The following ROBO1 variants were observed in gnomAD, a reference collection of about 807,000 sequenced individuals.
ROBO1 encodes roundabout homolog 1.
A neutral mutation model predicts 195.9 loss-of-function variants in ROBO1; 149 were observed. The observed-to-expected ratio is 0.76, with a 90% CI of 0.67 to 0.87. The LOEUF (loss-of-function observed/expected upper bound fraction) is 0.87, where lower values mean the gene tolerates loss of function less well. ROBO1 is among the 40% of genes least tolerant of loss of function. The probability of loss-of-function intolerance (pLI) is 0.00; values close to 1 mark genes in which losing one functional copy is unlikely to be tolerated. For synonymous variants in ROBO1, 816 were observed against 733.2 expected (o/e 1.11, Z -1.82); for missense variants, 1,933 against 2,068.3 (o/e 0.93, Z 1.27).
intron 2 of ROBO1, among the ~76,000 whole-genome samples, chr3:79,566,775 AAAAT>A (rs752919786): frequency 6.6e-6 from 1 of 152,292 alleles, no homozygotes; most frequent in East Asian, 1.9e-4. Flanking sequence ...AAAAGTCAAA[AAAAT>A]AACAGATGCT....
chr3:79,114,017 A>G (rs149376315), intron 3 of ROBO1, among the ~76,000 whole-genome samples: 10 of 152,286 alleles, frequency 6.6e-5, no homozygotes, highest in Non-Finnish European at 1.3e-4. Flanking sequence ...TTCTCATGGT[A>G]GTGACTAAGT....
chr3:78,741,639 C>T (rs1225363296), intron 5 of ROBO1, among the ~76,000 whole-genome samples: 3 of 152,052 alleles, frequency 2.0e-5, no homozygotes, highest in Admixed American at 2.0e-4. Flanking sequence ...TTTTAAAAAT[C>T]GCTCTTTGTG....
In ROBO1 at chr3:78,634,226, T is replaced by A. The variant is rs138449490; in HGVS notation, c.3374-184A>T. On this transcript the variant is annotated intron_variant, in intron 23 of 30. Coordinates refer to ENST00000464233, the MANE Select transcript of ROBO1 (RefSeq NM_002941.4). ...TAAAAAGGCTTATACTCCAAATATA[T>A]ATAAACTATAAATAACTTTAATAAT... Among the ~76,000 whole-genome samples the A allele has an allele frequency of 6.2e-3, 945 of 151,902 alleles. 9 individuals carry two copies. Among genetic ancestry groups the A allele is most frequent in the African/African-American group, 0.022 (904 of 41,504 alleles).
At chr3:79,348,052 A>C (rs1460915116) in intron 2 of ROBO1, among the ~76,000 whole-genome samples, 1 of 151,964 alleles carries the variant, frequency 6.6e-6, no homozygotes, top group Non-Finnish European at 1.5e-5. Flanking sequence ...CTCTACCAAA[A>C]ACACAAAAAT....
At chr3:79,244,091 C>T (rs115141255) in intron 2 of ROBO1, among the ~76,000 whole-genome samples, 11,091 of 152,124 alleles carry the variant, frequency 0.073, 579 homozygotes, top group Non-Finnish European at 0.11. Flanking sequence ...AGCAATCCTA[C>T]GAAGCAGGTA....
intron 1 of ROBO1, among the ~76,000 whole-genome samples, chr3:79,614,477 A>C (rs1004955838): frequency 1.3e-5 from 2 of 152,152 alleles, no homozygotes; most frequent in African/African-American, 4.8e-5. Flanking sequence ...CTTAGAGTAA[A>C]ATTTAAAGCA....
intron 2 of ROBO1, among the ~76,000 whole-genome samples, chr3:79,398,031 T>A (rs894367102): frequency 4.6e-5 from 7 of 152,178 alleles, no homozygotes; most frequent in African/African-American, 1.7e-4. Flanking sequence ...ACAATATTAG[T>A]TTTTAATTAT....
chr3:78,853,344 A>T (rs1287490618), intron 4 of ROBO1, among the ~76,000 whole-genome samples: 1 of 151,972 alleles, frequency 6.6e-6, no homozygotes, highest in African/African-American at 2.4e-5. Context: ...TAGAGAGAGA[A>T]AATATGTAAT....
intron 3 of ROBO1, among the ~76,000 whole-genome samples, chr3:78,965,275 C>T (rs947370460): frequency 6.6e-6 from 1 of 152,088 alleles, no homozygotes; most frequent in African/African-American, 2.4e-5. Context: ...AACTAGCACA[C>T]TTACATTCAA....
chr3:79,001,362 C>T lies in ROBO1; in HGVS notation c.173-62435G>A, dbSNP rs140928802. Among the ~76,000 whole-genome samples the T allele has an allele frequency of 3.1e-3, 466 of 152,170 alleles. 3 individuals are homozygous for T. The highest frequency in any genetic ancestry group is 0.011 in the African/African-American group (450 of 41,526). On this transcript the variant is annotated intron_variant, in intron 3 of 30. Coordinates refer to ENST00000464233, the MANE Select transcript of ROBO1 (RefSeq NM_002941.4). Reference sequence around the variant, plus strand: ...CATGAGAACAGCATGGAAATAACTGCCCCCATGTTTCAACCACCTCCCACC... The same window carrying T: ...CATGAGAACAGCATGGAAATAACTGTCCCCATGTTTCAACCACCTCCCACC...
intron 3 of ROBO1, among the ~76,000 whole-genome samples, chr3:78,998,203 C>T (rs566370042): frequency 2.6e-5 from 4 of 152,252 alleles, no homozygotes; most frequent in Non-Finnish European, 5.9e-5. Context: ...GCAGCTAATA[C>T]GACTCAGAAA....
intron 22 of ROBO1, among the ~76,000 whole-genome samples, 183 bp downstream of exon 22, chr3:78,639,561 A>G (rs1354740195): frequency 2.0e-5 from 3 of 152,222 alleles, no homozygotes; most frequent in East Asian, 1.9e-4. Context: ...GGACTTTAGC[A>G]AAGTATGGAG....
At chr3:78,622,477 A>C (rs1462334225) in intron 26 of ROBO1, among the ~76,000 whole-genome samples, 1 of 152,220 alleles carries the variant, frequency 6.6e-6, no homozygotes, top group Non-Finnish European at 1.5e-5. Flanking sequence ...TTTATGCTTT[A>C]TGACAGGTAA....
At chr3:78,765,925 T>C (rs527539375) in intron 4 of ROBO1, among the ~76,000 whole-genome samples, 2 of 152,332 alleles carry the variant, frequency 1.3e-5, no homozygotes, top group African/African-American at 2.4e-5. Flanking sequence ...TTTCAGCAAG[T>C]TGCTCTCAAA....
At chr3:79,541,663 T>A (rs1327194914) in intron 2 of ROBO1, among the ~76,000 whole-genome samples, 2 of 152,012 alleles carry the variant, frequency 1.3e-5, no homozygotes, top group Non-Finnish European at 2.9e-5. Context: ...AAATTTTAGT[T>A]GTGCTTTCTA....
chr3:79,518,594 A>G (rs1480365210), intron 2 of ROBO1, among the ~76,000 whole-genome samples: 4 of 152,212 alleles, frequency 2.6e-5, no homozygotes, highest in African/African-American at 9.7e-5. Flanking sequence ...AATGGGGAGA[A>G]GGAGTGATAA....
chr3:79,513,278 T>C (rs939400203), intron 2 of ROBO1, among the ~76,000 whole-genome samples: 1 of 152,120 alleles, frequency 6.6e-6, no homozygotes, highest in African/African-American at 2.4e-5. Flanking sequence ...AACTAGTAGA[T>C]GACTTAAAAT....
At chr3:79,338,615 T>C (rs2034782501) in intron 2 of ROBO1, among the ~76,000 whole-genome samples, 1 of 152,204 alleles carries the variant, frequency 6.6e-6, no homozygotes, top group Admixed American at 6.5e-5. Flanking sequence ...TTTTCTTCAC[T>C]TGAATGCTAG....
chr3:79,761,814 G>A (rs1367109626), intron 1 of ROBO1, among the ~76,000 whole-genome samples: 1 of 152,070 alleles, frequency 6.6e-6, no homozygotes, highest in Non-Finnish European at 1.5e-5. Context: ...TCCCCCAAAT[G>A]CTAAATTAAG....
Sources: gnomAD v4.1 joint callset for allele counts (sites outside exome capture counted in the v4.1 genomes callset) on GRCh38, gnomAD v4.1.1 for gene constraint, MANE v1.5 for transcripts, NCBI Gene and HGNC (gene_info 2026-07-23, HGNC 2026-07-21) for gene names.